CDYL: variants seen among roughly 807,000 people sequenced by gnomAD.
CDYL encodes the protein chromodomain Y like.
In CDYL, 8 loss-of-function variants were observed where a neutral mutation model predicts 47.3. The observed-to-expected ratio is 0.17, with a 90% CI of 0.10 to 0.31. CDYL has a LOEUF of 0.31. CDYL is among the 10% of genes least tolerant of loss of function. CDYL has a pLI of 1.00. For missense variants in CDYL, 471 were observed against 701.4 expected, an observed-to-expected ratio of 0.67 and a Z score of 3.71; for synonymous variants, 266 against 265.0, an observed-to-expected ratio of 1.00 and a Z score of -0.04.
At chr6:4,788,063 C>T (rs1017444617) in intron 1 of CDYL, among the ~76,000 whole-genome samples, 7 of 152,092 alleles carry the variant, frequency 4.6e-5, no homozygotes, top group Admixed American at 4.6e-4. Flanking sequence ...TGAGCCACCG[C>T]ACCTGGTCGA....
rs2127415616 is a variant in CDYL, at chr6:4,736,623, T to C, written c.186+1779T>C. ...TTGCAGAATCACCTGGCAACTTCCC[T>C]AGGAGTGGAGAGACATGAAAGCCAA... On this transcript the variant is annotated intron_variant, in intron 3 of 8. Transcript: ENST00000328908. Among the ~76,000 whole-genome samples, 3 of 151,226 alleles carry C rather than the reference T, an allele frequency of 2.0e-5. 1 individual carries two copies. The South Asian group carries it at 6.3e-4, about 32-fold the overall frequency.
At chr6:4,793,772 G>T (rs1203173194) in intron 1 of CDYL, among the ~76,000 whole-genome samples, 1 of 152,058 alleles carries the variant, frequency 6.6e-6, no homozygotes, top group East Asian at 1.9e-4. Context: ...TGAAGGTATT[G>T]CTGAGCAGGA....
rs192799542 is a variant in CDYL, at chr6:4,889,323, A to T, written c.25-2390A>T. On this transcript the variant is annotated intron_variant, in intron 1 of 6. Transcript: ENST00000397588. Reference sequence around the variant, plus strand: ...CACCGCAACCTCCACCTCCTGGTTCAAGCAATTCTCCTGCTTCAGCCTCCT... The same window carrying T: ...CACCGCAACCTCCACCTCCTGGTTCTAGCAATTCTCCTGCTTCAGCCTCCT... 2.6e-5 allele frequency among the ~76,000 whole-genome samples: 4 copies of T among 151,924 alleles called. No homozygotes were observed. In the East Asian group the frequency reaches 7.7e-4, roughly 29 times the overall value.
At chr6:4,807,094 C>A (rs1012013376) in intron 1 of CDYL, among the ~76,000 whole-genome samples, 1 of 152,148 alleles carries the variant, frequency 6.6e-6, no homozygotes, top group African/African-American at 2.4e-5. Context: ...GGACACCAGT[C>A]ATGTTAGATT....
At chr6:4,879,057 G>A (rs1407233801) in intron 1 of CDYL, among the ~76,000 whole-genome samples, 1 of 152,040 alleles carries the variant, frequency 6.6e-6, no homozygotes, top group Admixed American at 6.5e-5. Flanking sequence ...AACATAACCT[G>A]TAAGATATTC....
chr6:4,716,963 A>G (rs1203353578), intron 2 of CDYL, among the ~76,000 whole-genome samples: 1 of 152,172 alleles, frequency 6.6e-6, no homozygotes, highest in Non-Finnish European at 1.5e-5. Context: ...CAAATGAGGG[A>G]AAGATTACAT....
intron 2 of CDYL, chr6:4,724,391 T>C (rs1164284911): frequency 1.3e-5 from 2 of 152,312 alleles, no homozygotes; most frequent in East Asian, 1.9e-4. Context: ...GTGTCTTTCG[T>C]GTAACATGTC....
intron 1 of CDYL, among the ~76,000 whole-genome samples, chr6:4,858,858 T>G (rs1234889499): frequency 6.6e-6 from 1 of 152,188 alleles, no homozygotes; most frequent in Non-Finnish European, 1.5e-5. Flanking sequence ...ATGATATCTT[T>G]CATAGGGTTT....
At chr6:4,884,979 T>C (rs1392496869) in intron 1 of CDYL, among the ~76,000 whole-genome samples, 1 of 152,064 alleles carries the variant, frequency 6.6e-6, no homozygotes, top group African/African-American at 2.4e-5. Context: ...AAATGGAAAA[T>C]TTTAGAAACT....
At chr6:4,732,936 A>G (rs9392635) in intron 2 of CDYL, among the ~76,000 whole-genome samples, 20,623 of 152,066 alleles carry the variant, frequency 0.14, 1,803 homozygotes, top group African/African-American at 0.26. Context: ...AGAGCGGAAC[A>G]GTGAAAGCTA....
chr6:4,778,256 T>A (rs1268211220), intron 1 of CDYL, among the ~76,000 whole-genome samples: 1 of 152,226 alleles, frequency 6.6e-6, no homozygotes, highest in Non-Finnish European at 1.5e-5. Context: ...TTTGGTTGTT[T>A]AGTCATGAGT....
At chr6:4,902,518 C>A (rs1757098163) in intron 2 of CDYL, among the ~76,000 whole-genome samples, 1 of 152,162 alleles carries the variant, frequency 6.6e-6, no homozygotes, top group Non-Finnish European at 1.5e-5. Context: ...CAGTCATCCT[C>A]CCAATGCAGC....
chr6:4,712,597 T>C (rs1312962450), intron 1 of CDYL, among the ~76,000 whole-genome samples: 1 of 152,240 alleles, frequency 6.6e-6, no homozygotes, highest in African/African-American at 2.4e-5. Flanking sequence ...GGTACTCTCA[T>C]GCCCTGTGTC....
At chr6:4,884,682 G>A (rs1001493539) in intron 1 of CDYL, among the ~76,000 whole-genome samples, 4 of 152,216 alleles carry the variant, frequency 2.6e-5, no homozygotes, top group Non-Finnish European at 4.4e-5. Flanking sequence ...TTACTGCGCT[G>A]TAGGATAAAG....
chr6:4,762,345 C>T (rs1247363567), intron 3 of CDYL, among the ~76,000 whole-genome samples: 1 of 152,116 alleles, frequency 6.6e-6, no homozygotes, highest in Non-Finnish European at 1.5e-5. Context: ...AATATAACAT[C>T]ATCTCAGACC....
chr6:4,827,629 G>A (rs1760016051), intron 1 of CDYL, among the ~76,000 whole-genome samples: 1 of 152,104 alleles, frequency 6.6e-6, no homozygotes, highest in Non-Finnish European at 1.5e-5. Context: ...CAATAACATG[G>A]ATTGATAATT....
At chr6:4,905,489 G>A (rs1757207577) in intron 2 of CDYL, among the ~76,000 whole-genome samples, 1 of 152,200 alleles carries the variant, frequency 6.6e-6, no homozygotes, top group Admixed American at 6.5e-5. Flanking sequence ...GAAGTGGCAT[G>A]CTTAATTCCG....
intron 5 of CDYL, among the ~76,000 whole-genome samples, chr6:4,944,317 C>T (rs573024383): frequency 1.0e-3 from 158 of 152,186 alleles, no homozygotes; most frequent in African/African-American, 3.7e-3. Context: ...GAGTTTGGCA[C>T]GTGGAGAATT....
chr6:4,828,312 C>T (rs1362876033), intron 1 of CDYL, among the ~76,000 whole-genome samples: 6 of 136,336 alleles, frequency 4.4e-5, no homozygotes, highest in Non-Finnish European at 7.6e-5. Context: ...GGCTGGAGTG[C>T]GGTGGCATGA....
Sources: gnomAD v4.1 joint callset for allele counts (sites outside exome capture counted in the v4.1 genomes callset) on GRCh38, gnomAD v4.1.1 for gene constraint, MANE v1.5 for transcripts, NCBI Gene and HGNC (gene_info 2026-07-23, HGNC 2026-07-21) for gene names.